The following PHEX variants were observed in gnomAD, a reference collection of about 807,000 sequenced individuals.
PHEX encodes the protein phosphate regulating endopeptidase X-linked.
PHEX carries 16 observed loss-of-function variants against 68.0 expected under a neutral mutation model. The observed-to-expected ratio is 0.24, with a 90% CI of 0.16 to 0.36. The LOEUF (loss-of-function observed/expected upper bound fraction) is 0.36, where lower values mean the gene tolerates loss of function less well. Among genes scored for constraint, PHEX ranks in the 10% least tolerant of loss-of-function variants. PHEX has a pLI of 1.00. For missense variants in PHEX, 480 were observed against 575.5 expected (o/e 0.83, Z 1.70); for synonymous variants, 208 against 205.1 (o/e 1.01, Z -0.12).
At chrX:22,073,666 AAC>A (rs1929015464) in intron 3 of PHEX, among the ~76,000 whole-genome samples, 1 of 79,228 alleles carries the variant, frequency 1.3e-5, no homozygotes, top group African/African-American at 5.3e-5. Flanking sequence ...TTTTTTTGGA[AAC>A]ACACTTTGTC....
At chrX:22,079,878 A>T (rs1929313940) in intron 5 of PHEX, among the ~76,000 whole-genome samples, 1 of 111,890 alleles carries the variant, frequency 8.9e-6, no homozygotes, top group Non-Finnish European at 1.9e-5. Context: ...TATTTAAAAA[A>T]AAATCCCTAA....
intron 3 of PHEX, among the ~76,000 whole-genome samples, chrX:22,071,408 C>A (rs1296982427): frequency 9.0e-6 from 1 of 111,196 alleles, no homozygotes; most frequent in Admixed American, 9.6e-5. Context: ...AGTAGTCAGT[C>A]CAGCTTCTCA....
At chrX:22,125,068 AAAT>A (rs1253582759) in intron 11 of PHEX, among the ~76,000 whole-genome samples, 1 of 111,896 alleles carries the variant, frequency 8.9e-6, no homozygotes, top group Non-Finnish European at 1.9e-5. Flanking sequence ...GCATTTTTAT[AAAT>A]AGTTATAGTA....
intron 11 of PHEX, among the ~76,000 whole-genome samples, chrX:22,119,818 A>G (rs1193229403): frequency 9.1e-6 from 1 of 110,120 alleles, no homozygotes; most frequent in East Asian, 2.8e-4. Flanking sequence ...GCTGGTCTTG[A>G]ACTCCTGACT....
At chrX:22,246,206 G>A (rs1008146231) in intron 21 of PHEX, among the ~76,000 whole-genome samples, 10 of 111,360 alleles carry the variant, frequency 9.0e-5, no homozygotes, top group African/African-American at 2.0e-4. Context: ...CCCTGTACTC[G>A]GTCGTACAGG....
At position 22,084,148 on chromosome X, in the gene PHEX, A is replaced by G. The variant is rs1249841004; in HGVS notation, c.664-6281A>G. Among the ~76,000 whole-genome samples, 3 of 111,713 alleles carry G rather than the reference A, an allele frequency of 2.7e-5. No individual in the cohort carries two copies. The Admixed American group carries it at 2.9e-4, about 11-fold the overall frequency. On this transcript the variant is annotated intron_variant, in intron 5 of 21. Coordinates refer to ENST00000379374, the MANE Select transcript of PHEX (RefSeq NM_000444.6). ...GATGTGTTTATATTTATGTACTTGA[A>G]TTTGGATTTTCCATTTAATTTATTT...
chrX:22,216,613 G>A (rs183524391), intron 16 of PHEX, among the ~76,000 whole-genome samples: 14 of 110,017 alleles, frequency 1.3e-4, no homozygotes, highest in African/African-American at 3.3e-4. Context: ...TCCGCCTCCC[G>A]GGTTCAAGTG....
At chrX:22,226,571 C>G (rs1380635617) in intron 19 of PHEX, 63 bp downstream of exon 19, 3 of 834,296 alleles carry the variant, frequency 3.6e-6, no homozygotes, top group Non-Finnish European at 5.4e-6. Context: ...TATGGGGGTA[C>G]CTCAATTCAT....
intron 12 of PHEX, among the ~76,000 whole-genome samples, chrX:22,155,583 T>C (rs1466731961): frequency 8.9e-6 from 1 of 112,025 alleles, no homozygotes; most frequent in Non-Finnish European, 1.9e-5. Context: ...GTAAGTATTT[T>C]TTCCCATTCC....
chrX:22,196,827 G>C (rs1446905076), intron 15 of PHEX, among the ~76,000 whole-genome samples: 1 of 111,826 alleles, frequency 8.9e-6, no homozygotes, highest in Non-Finnish European at 1.9e-5. Context: ...CAGATATTCT[G>C]CTAAAGAAGA....
chrX:22,129,625 A>G (rs1471724445), intron 11 of PHEX, among the ~76,000 whole-genome samples: 1 of 111,173 alleles, frequency 9.0e-6, no homozygotes, highest in African/African-American at 3.3e-5. Flanking sequence ...ATCCTTCCAT[A>G]TAGTCTCTGG....
intron 20 of PHEX, among the ~76,000 whole-genome samples, chrX:22,235,996 C>A (rs758299405): frequency 1.3e-4 from 15 of 111,641 alleles, no homozygotes; most frequent in South Asian, 3.8e-4. Context: ...TCCACTCAAT[C>A]CAATTCAATT....
At chrX:22,182,706 G>T (rs1933917839) in intron 14 of PHEX, among the ~76,000 whole-genome samples, 1 of 110,092 alleles carries the variant, frequency 9.1e-6, no homozygotes, top group African/African-American at 3.3e-5. Context: ...CATCCTCTAT[G>T]TTGGCCATTT....
intron 16 of PHEX, among the ~76,000 whole-genome samples, chrX:22,216,016 A>G (rs1324762859): frequency 1.8e-5 from 2 of 111,760 alleles, no homozygotes; most frequent in Non-Finnish European, 3.8e-5. Context: ...TCAGATCAGC[A>G]TTATGGAGAG....
At chrX:22,218,518 G>A (rs189273659) in intron 16 of PHEX, among the ~76,000 whole-genome samples, 3 of 112,179 alleles carry the variant, frequency 2.7e-5, no homozygotes, top group Admixed American at 1.9e-4. Flanking sequence ...AAAGAGGAAC[G>A]TGACTACCTT....
chrX:22,101,010 T>TA (rs947851558), intron 9 of PHEX, among the ~76,000 whole-genome samples: 18 of 109,191 alleles, frequency 1.6e-4, no homozygotes, highest in Middle Eastern at 4.8e-3. Flanking sequence ...CGTCTCTACT[T>TA]AAAAAAAATA....
At chrX:22,139,753 T>G (rs1228816521) in intron 12 of PHEX, among the ~76,000 whole-genome samples, 3 of 107,938 alleles carry the variant, frequency 2.8e-5, no homozygotes, top group African/African-American at 1.0e-4. Flanking sequence ...TTGCCCAGGC[T>G]GGTCTCAAAC....
At chrX:22,099,862 C>T (rs1191887388) in intron 9 of PHEX, among the ~76,000 whole-genome samples, 1 of 111,936 alleles carries the variant, frequency 8.9e-6, no homozygotes, top group Non-Finnish European at 1.9e-5. Context: ...TGATTAAAAT[C>T]ACATTTTCTT....
At chrX:22,104,397 G>A (rs1196447992) in intron 9 of PHEX, among the ~76,000 whole-genome samples, 1 of 109,873 alleles carries the variant, frequency 9.1e-6, no homozygotes, top group Non-Finnish European at 1.9e-5. Context: ...ACCCTTGGAG[G>A]AATGAGCTGG....
Sources: gnomAD v4.1 joint callset for allele counts (sites outside exome capture counted in the v4.1 genomes callset) on GRCh38, gnomAD v4.1.1 for gene constraint, MANE v1.5 for transcripts, NCBI Gene and HGNC (gene_info 2026-07-23, HGNC 2026-07-21) for gene names.